PCCA: variants seen among roughly 807,000 people sequenced by gnomAD.
PCCA encodes propionyl-CoA carboxylase subunit alpha, also known as propionyl-CoA carboxylase alpha chain, mitochondrial.
PCCA carries 74 observed loss-of-function variants against 101.3 expected under a neutral mutation model. The ratio of observed to expected loss-of-function variants is 0.73; its 90% CI spans 0.61 to 0.89. The LOEUF is 0.89. Ranked by LOEUF, PCCA falls within the 40% of genes least tolerant of loss-of-function variation. PCCA has a pLI of 0.00. For synonymous variants in PCCA, 294 were observed against 313.6 expected (o/e 0.94, Z 0.66); for missense variants, 891 against 907.0 (o/e 0.98, Z 0.23).
chr13:100,424,673 G>C (rs2079028360), intron 19 of PCCA, among the ~76,000 whole-genome samples: 1 of 152,046 alleles, frequency 6.6e-6, no homozygotes, highest in South Asian at 2.1e-4. Flanking sequence ...TGCCACCCCC[G>C]CCCTATCCCC....
intron 6 of PCCA, among the ~76,000 whole-genome samples, chr13:100,196,358 TACTC>T (rs1484363124): frequency 5.3e-5 from 8 of 152,332 alleles, no homozygotes; most frequent in African/African-American, 1.9e-4. Flanking sequence ...ATTGCTGTAA[TACTC>T]ACTCCCCATC....
intron 6 of PCCA, among the ~76,000 whole-genome samples, chr13:100,169,335 G>A (rs928542496): frequency 2.0e-5 from 3 of 151,358 alleles, no homozygotes; most frequent in Non-Finnish European, 2.9e-5. Context: ...CAGCTACTCA[G>A]GAAGCTGAGG....
intron 21 of PCCA, among the ~76,000 whole-genome samples, chr13:100,456,558 C>T (rs1421210043): frequency 6.6e-6 from 1 of 151,828 alleles, no homozygotes; most frequent in Non-Finnish European, 1.5e-5. Context: ...GACCAGGGGG[C>T]AGGGTAAGGA....
intron 6 of PCCA, among the ~76,000 whole-genome samples, chr13:100,194,081 AAAG>A (rs1011765831): frequency 2.6e-5 from 4 of 152,120 alleles, no homozygotes; most frequent in African/African-American, 9.7e-5. Flanking sequence ...AAAAAAAAAA[AAAG>A]AAATCATGAT....
chr13:100,254,907 C>A (rs576941119), intron 8 of PCCA, among the ~76,000 whole-genome samples: 34 of 151,166 alleles, frequency 2.2e-4, no homozygotes, highest in Admixed American at 3.3e-4. Flanking sequence ...TATAATGAGA[C>A]CCCCATCTTT....
intron 21 of PCCA, among the ~76,000 whole-genome samples, chr13:100,458,460 C>T (rs374718925): frequency 6.8e-4 from 69 of 101,056 alleles, no homozygotes; most frequent in African/African-American, 9.9e-4. Context: ...CACACACACA[C>T]ACACACACAC....
intron 21 of PCCA, among the ~76,000 whole-genome samples, chr13:100,497,943 A>T (rs2085390744): frequency 6.6e-6 from 1 of 151,746 alleles, no homozygotes; most frequent in South Asian, 2.1e-4. Flanking sequence ...ATCATAACTT[A>T]CTGTAAACTT....
intron 4 of PCCA, among the ~76,000 whole-genome samples, chr13:100,132,970 G>A (rs560604590): frequency 2.6e-5 from 4 of 152,010 alleles, no homozygotes; most frequent in Non-Finnish European, 4.4e-5. Context: ...TACTAGAGAC[G>A]GGGTTTCACC....
intron 21 of PCCA, among the ~76,000 whole-genome samples, chr13:100,501,806 G>A (rs998452445): frequency 1.8e-4 from 28 of 152,056 alleles, no homozygotes; most frequent in Non-Finnish European, 2.9e-4. Flanking sequence ...CCCGGGTGGC[G>A]GAGGTTGGGC....
rs370657914 is a variant in PCCA at position 100,358,003 on chromosome 13, T to G, written c.1644-10469T>G. ...ATGCTGAATGAACTGAGCTAAAATT[T>G]CAGTTGCCTACCATGGTTATGATAA... On this transcript the variant is annotated intron_variant, in intron 18 of 23. Coordinates refer to ENST00000376285, the MANE Select transcript of PCCA (RefSeq NM_000282.4). Among the ~76,000 whole-genome samples, 37 of 152,330 alleles carry G rather than the reference T, an allele frequency of 2.4e-4. No individual in the cohort carries two copies. The South Asian group carries it at 3.7e-3, about 15-fold the overall frequency.
rs552244838 is a variant in PCCA, at chr13:100,345,487, C to T, written c.1643+5228C>T. ...AAGGGTGAGAGAGGTGAGGAAGCTG[C>T]GGAAGAAAAGCTTAAAGCTATCAGA... On this transcript the variant is annotated intron_variant, in intron 18 of 23. Coordinates refer to ENST00000376285, the MANE Select transcript of PCCA (RefSeq NM_000282.4). Among the ~76,000 whole-genome samples the T allele has an allele frequency of 2.6e-5, 4 of 152,130 alleles. No individual in the cohort carries two copies. The South Asian group carries it at 6.2e-4, about 24-fold the overall frequency.
At chr13:100,497,960 A>C (rs1435270666) in intron 21 of PCCA, among the ~76,000 whole-genome samples, 1 of 151,866 alleles carries the variant, frequency 6.6e-6, no homozygotes, top group Non-Finnish European at 1.5e-5. Flanking sequence ...ACTTCGAACT[A>C]CCGGGCTCAG....
At chr13:100,266,121 A>G (rs1252640316) in intron 10 of PCCA, among the ~76,000 whole-genome samples, 1 of 152,192 alleles carries the variant, frequency 6.6e-6, no homozygotes, top group African/African-American at 2.4e-5. Flanking sequence ...TGTATTCCCC[A>G]TCTAGCACTT....
intron 16 of PCCA, among the ~76,000 whole-genome samples, chr13:100,325,589 A>T (rs1163346655): frequency 1.3e-5 from 2 of 152,242 alleles, no homozygotes; most frequent in Non-Finnish European, 2.9e-5. Context: ...AGAAGCAAGC[A>T]TGAGGAGTTA....
intron 6 of PCCA, among the ~76,000 whole-genome samples, chr13:100,178,228 C>A (rs531555040): frequency 7.9e-5 from 12 of 152,234 alleles, no homozygotes; most frequent in Non-Finnish European, 1.2e-4. Flanking sequence ...CAACTTAAAA[C>A]GTAGAAAAGA....
At chr13:100,092,071 C>G (rs1043256825) in intron 1 of PCCA, among the ~76,000 whole-genome samples, 5 of 152,048 alleles carry the variant, frequency 3.3e-5, no homozygotes, top group African/African-American at 1.2e-4. Flanking sequence ...CAGGCGCACG[C>G]CACCACCACC....
intron 21 of PCCA, among the ~76,000 whole-genome samples, chr13:100,509,722 T>C (rs1322642402): frequency 1.3e-5 from 2 of 152,346 alleles, no homozygotes; most frequent in African/African-American, 4.8e-5. Context: ...TGAAAATGAT[T>C]CTGTTCTGTT....
chr13:100,422,212 A>G (rs1595848718), intron 19 of PCCA, among the ~76,000 whole-genome samples: 1 of 141,684 alleles, frequency 7.1e-6, no homozygotes, highest in Non-Finnish European at 1.5e-5. Context: ...GGTTCAGTGT[A>G]GCTTGGAAGG....
At chr13:100,440,958 C>A in intron 20 of PCCA, among the ~76,000 whole-genome samples, 1 of 152,108 alleles carries the variant, frequency 6.6e-6, no homozygotes, top group East Asian at 1.9e-4. Context: ...TAAAATATTT[C>A]AAGGCAGTTT....
Sources: gnomAD v4.1 joint callset for allele counts (sites outside exome capture counted in the v4.1 genomes callset) on GRCh38, gnomAD v4.1.1 for gene constraint, MANE v1.5 for transcripts, NCBI Gene and HGNC (gene_info 2026-07-23, HGNC 2026-07-21) for gene names.